RBX1: variants seen among roughly 807,000 people sequenced by gnomAD.
The protein encoded by RBX1 is ring-box 1.
For missense variants in RBX1, 46 were observed against 141.4 expected, an observed-to-expected ratio of 0.33 and a Z score of 3.42; for synonymous variants, 48 against 47.9, an observed-to-expected ratio of 1.00 and a Z score of -0.01.
intron 1 of RBX1, 46 bp from the exon 2 acceptor site, chr22:40,953,509 G>A (rs767867824): frequency 3.2e-6 from 4 of 1,231,552 alleles, no homozygotes; most frequent in South Asian, 2.4e-5. Context: ...GAGTATGTGT[G>A]TGTGTTACAA....
intron 3 of RBX1, among the ~76,000 whole-genome samples, chr22:40,964,765 A>T (rs950142077): frequency 6.6e-6 from 1 of 152,216 alleles, no homozygotes; most frequent in Non-Finnish European, 1.5e-5. Context: ...TCATGGGGAC[A>T]GAATACTCAC....
intron 1 of RBX1, among the ~76,000 whole-genome samples, chr22:40,952,179 C>T (rs945783765): frequency 6.6e-6 from 1 of 152,172 alleles, no homozygotes; most frequent in African/African-American, 2.4e-5. Flanking sequence ...AAAATCCGAG[C>T]CCAAATCCTG....
At chr22:40,971,513 C>A (rs2058368933) in intron 4 of RBX1, among the ~76,000 whole-genome samples, 1 of 152,022 alleles carries the variant, frequency 6.6e-6, no homozygotes. Flanking sequence ...TTCAAGAAAT[C>A]TGTTTATATG....
chr22:40,953,003 T>C (rs1054293074), intron 1 of RBX1, among the ~76,000 whole-genome samples: 20 of 139,068 alleles, frequency 1.4e-4, no homozygotes, highest in Non-Finnish European at 7.6e-5. Context: ...TTTTTTTTTT[T>C]TTTTTGAGAT....
chr22:40,961,110 C>T (rs1226819406), intron 2 of RBX1, among the ~76,000 whole-genome samples: 2 of 74,514 alleles, frequency 2.7e-5, no homozygotes, highest in Non-Finnish European at 5.0e-5. Flanking sequence ...TTTTTGATAA[C>T]AAGGTTTTGC....
chr22:40,961,081 C>CTTTTTTTTTTTTT (rs61092253), intron 2 of RBX1, among the ~76,000 whole-genome samples: 18 of 107,668 alleles, frequency 1.7e-4, no homozygotes, highest in African/African-American at 6.6e-4. Context: ...CGTGCCTGGC[C>CTTTTTTTTTTTTT]TTTTTTTTTT....
chr22:40,959,064 G>C (rs1471560019), intron 2 of RBX1, among the ~76,000 whole-genome samples: 2 of 152,054 alleles, frequency 1.3e-5, no homozygotes, highest in Non-Finnish European at 2.9e-5. Context: ...GATCCACCCG[G>C]CTCGGCCTCC....
chr22:40,965,853 G>C (rs1327530309), intron 3 of RBX1, among the ~76,000 whole-genome samples: 1 of 152,170 alleles, frequency 6.6e-6, no homozygotes, highest in East Asian at 1.9e-4. Flanking sequence ...TGGGGATAAA[G>C]GAAGTATATT....
At chr22:40,966,998 T>G (rs1268090290) in intron 3 of RBX1, 1 of 152,218 alleles carries the variant, frequency 6.6e-6, no homozygotes, top group Non-Finnish European at 1.5e-5. Flanking sequence ...TAAGCAGACT[T>G]CTAGCTCCCT....
chr22:40,964,404 T>C (rs5758144), intron 3 of RBX1: 1 of 305,234 alleles, frequency 3.3e-6, no homozygotes, highest in East Asian at 7.7e-5. Flanking sequence ...AAAACCTACA[T>C]GCACCCTTTG....
rs187669532 is a variant in RBX1, at chr22:40,968,483, A to T, written c.314+599A>T. Among the ~76,000 whole-genome samples, 135 of 152,304 alleles carry T rather than the reference A, an allele frequency of 8.9e-4. 1 individual carries two copies. Among genetic ancestry groups the T allele is most frequent in the Non-Finnish European group, 3.5e-4 (24 of 68,018 alleles). ...CAGAATTACATCCTAATGAGGCTCC[A>T]TGGACTACCTAATGTCAGGTAGCTT... On this transcript the variant is annotated intron_variant, in intron 4 of 4. Coordinates refer to ENST00000216225, the MANE Select transcript of RBX1 (RefSeq NM_014248.4).
In RBX1 at chr22:40,951,426, C is replaced by A. The variant is rs760130748; in HGVS notation, c.28C>A (p.Pro10Thr). 6.2e-7 allele frequency: 1 copy of A among 1,613,600 alleles called. No individual in the cohort carries two copies. The highest frequency in any genetic ancestry group is 1.3e-5 in the African/African-American group (1 of 75,062). The change falls in exon 1 of 5, where the codon CCG becomes ACG. Residue 10 changes from proline to threonine, a missense_variant. Physicochemically the swap from Pro to Thr is conservative, Grantham distance 38 (BLOSUM62 -1). Transcript: ENST00000216225. MAAAMDVDT[P>T]SGTNSGAGKK... Reference sequence around the variant, plus strand: ...GGCGGCAGCGATGGATGTGGATACCCCGAGCGGCACCAACAGCGGCGCGGG... The same window carrying A: ...GGCGGCAGCGATGGATGTGGATACCACGAGCGGCACCAACAGCGGCGCGGG...
chr22:40,962,394 A>G (rs1420677452), intron 2 of RBX1, among the ~76,000 whole-genome samples: 1 of 150,718 alleles, frequency 6.6e-6, no homozygotes, highest in Non-Finnish European at 1.5e-5. Context: ...CACTTTCCAC[A>G]TTTTCGAAGA....
At chr22:40,971,815 C>G (rs542792652) in intron 4 of RBX1, among the ~76,000 whole-genome samples, 75 of 152,242 alleles carry the variant, frequency 4.9e-4, no homozygotes, top group Middle Eastern at 3.4e-3. Context: ...CCTCAGCCCC[C>G]CAAAGTGCTG....
At position 40,951,406 on chromosome 22, in the gene RBX1, C is replaced by T. The variant is rs145546039; in HGVS notation, c.8C>T (p.Ala3Val). The T allele has an allele frequency of 2.5e-6, 4 of 1,612,490 alleles. No individual in the cohort carries two copies. Among genetic ancestry groups the T allele is most frequent in the African/African-American group, 2.7e-5 (2 of 74,924 alleles). ...AGACCGTGTGTTTCCAAAATGGCGG[C>T]AGCGATGGATGTGGATACCCCGAGC... Reference protein sequence around the residue: MAAAMDVDTPSGT... With the variant: MAVAMDVDTPSGT... Residue 3 changes from alanine (A) to valine (V), a missense_variant, in exon 1 of 5, where the codon GCA becomes GTA. By Grantham distance (64) the Ala-to-Val change is moderately conservative. Transcript: ENST00000216225.
Position 40,951,420 on chromosome 22 carries a change from G to A in RBX1, c.22G>A (p.Asp8Asn). Residue 8 changes from aspartate to asparagine, a missense_variant, in exon 1 of 5, where the codon GAT (aspartate) becomes AAT (asparagine). Coordinates refer to ENST00000216225, the MANE Select transcript of RBX1 (RefSeq NM_014248.4). MAAAMDV[D>N]TPSGTNSGAG... Reference sequence around the variant, plus strand: ...CAAAATGGCGGCAGCGATGGATGTGGATACCCCGAGCGGCACCAACAGCGG... The same window carrying A: ...CAAAATGGCGGCAGCGATGGATGTGAATACCCCGAGCGGCACCAACAGCGG... The A allele has an allele frequency of 2.5e-6, 4 of 1,613,580 alleles. No individual in the cohort carries two copies. Among genetic ancestry groups the A allele is most frequent in the Non-Finnish European group, 3.4e-6 (4 of 1,179,800 alleles).
At chr22:40,951,796 C>CAGGGT (rs1235880291) in intron 1 of RBX1, among the ~76,000 whole-genome samples, 1 of 37,852 alleles carries the variant, frequency 2.6e-5, no homozygotes, top group Non-Finnish European at 5.0e-5. Context: ...GGGGGAAGGA[C>CAGGGT]AGGGTAGGGT....
rs538326493 is a variant in RBX1, at chr22:40,957,206, G to A, written c.157+3573G>A. The stretch of plus-strand genomic sequence containing the variant: ...ACTAAAAATACAAAATTAGCCAGGC[G>A]TGGTAGCACGCACCTGTAATCCCAG... On this transcript the variant is annotated intron_variant, in intron 2 of 4. Coordinates refer to ENST00000216225, the MANE Select transcript of RBX1 (RefSeq NM_014248.4). Among the ~76,000 whole-genome samples the A allele has an allele frequency of 9.2e-5, 14 of 151,888 alleles. No individual in the cohort carries two copies. The East Asian group carries it at 1.6e-3, about 17-fold the overall frequency.
chr22:40,962,606 C>G (rs921339646), intron 2 of RBX1, among the ~76,000 whole-genome samples: 1 of 150,528 alleles, frequency 6.6e-6, no homozygotes, highest in African/African-American at 2.4e-5. Context: ...AGCAATTCTT[C>G]TGCCTCAGCC....
Sources: allele counts gnomAD v4.1 joint callset (sites outside exome capture counted in the v4.1 genomes callset), GRCh38; gene constraint gnomAD v4.1.1; transcripts MANE v1.5; gene names NCBI Gene and HGNC (gene_info 2026-07-23, HGNC 2026-07-21).